AASDH: variants seen among roughly 807,000 people sequenced by gnomAD.
AASDH encodes beta-alanine-activating enzyme.
AASDH carries 81 observed loss-of-function variants against 102.3 expected under a neutral mutation model. That is an observed-to-expected ratio of 0.79 (90% CI 0.66 to 0.95). The LOEUF (loss-of-function observed/expected upper bound fraction) is 0.95. Ranked by LOEUF, AASDH falls within the 40% of genes least tolerant of loss-of-function variation. The pLI is 0.00. For missense variants in AASDH, 1,203 were observed against 1,266.2 expected (o/e 0.95, Z 0.76); for synonymous variants, 398 against 454.0 (o/e 0.88, Z 1.57).
chr4:56,359,467 C>A (rs1750039446), intron 5 of AASDH, among the ~76,000 whole-genome samples: 1 of 151,822 alleles, frequency 6.6e-6, no homozygotes, highest in Non-Finnish European at 1.5e-5. Context: ...TGTGGCCAGG[C>A]TTGTCTCGAA....
intron 3 of AASDH, among the ~76,000 whole-genome samples, chr4:56,381,020 A>G (rs1489194686): frequency 6.6e-6 from 1 of 152,220 alleles, no homozygotes; most frequent in Non-Finnish European, 1.5e-5. Context: ...ATCATGGGAT[A>G]GGAAGCAAGG....
rs1421085159 is a variant in AASDH, at chr4:56,366,715, G to A, written c.861+4736C>T. Among the ~76,000 whole-genome samples, 127 of 150,286 alleles carry A rather than the reference G, an allele frequency of 8.5e-4. 1 individual carries two copies. The highest frequency in any genetic ancestry group is 2.6e-3 in the African/African-American group (106 of 40,930). ...TCAATAAATTAGGTATTGATGGGACGTATCTCAAAATAATAAGAGCTATCT... is the reference window on the plus strand; with the variant it reads ...TCAATAAATTAGGTATTGATGGGACATATCTCAAAATAATAAGAGCTATCT... On this transcript the variant is annotated intron_variant, in intron 5 of 14. Coordinates refer to ENST00000205214, the MANE Select transcript of AASDH (RefSeq NM_181806.4).
At chr4:56,382,792 G>C (rs112403787) in intron 2 of AASDH, among the ~76,000 whole-genome samples, 195 bp from the exon 3 acceptor site, 1 of 152,092 alleles carries the variant, frequency 6.6e-6, no homozygotes, top group African/African-American at 2.4e-5. Context: ...CATTTTAGCC[G>C]GGCACGGTGG....
In AASDH at chr4:56,338,535, C is replaced by CCACT. The variant is rs759582876; in HGVS notation, c.3160_3163dup (p.Gly1055GlufsTer9). 1 of 1,612,978 alleles carries CCACT rather than the reference C, an allele frequency of 6.2e-7. No individual in the cohort carries two copies. Among genetic ancestry groups the CCACT allele is most frequent in the Non-Finnish European group, 8.5e-7 (1 of 1,179,740 alleles). ...AAGTTCATAAACACTTTGCAATTGT[C>CCACT]CACTCTGAGATTCCAAGATCCACAC... On this transcript the variant is annotated frameshift_variant, in exon 15 of 15. Transcript: ENST00000205214. LOFTEE classifies it high-confidence loss of function.
intron 12 of AASDH, 115 bp from the exon 13 acceptor site, chr4:56,343,799 A>G: frequency 9.7e-7 from 1 of 1,029,582 alleles, no homozygotes; most frequent in South Asian, 2.1e-5. Context: ...CTTTAGTATA[A>G]AGTACATGCC....
intron 6 of AASDH, 105 bp from the exon 7 acceptor site, chr4:56,354,916 T>TA: frequency 1.0e-6 from 1 of 957,488 alleles, no homozygotes; most frequent in South Asian, 2.0e-5. Context: ...AAAAGTTTGT[T>TA]ACGCTCTAAT....
Position 56,387,386 on chromosome 4 carries a change from T to G in AASDH, c.-67A>C, listed in dbSNP as rs1753696702. On this transcript the variant is annotated 5_prime_UTR_variant, in exon 1 of 15. Coordinates refer to ENST00000205214, the MANE Select transcript of AASDH (RefSeq NM_181806.4). Reference sequence around the variant, plus strand: ...CTTAGCAAGTCTCGCGGATTAGGTTTGATCGCATTCGGCCCTTTCCCGGAT... The same window carrying G: ...CTTAGCAAGTCTCGCGGATTAGGTTGGATCGCATTCGGCCCTTTCCCGGAT... 6.6e-6 allele frequency: 1 copy of G among 152,400 alleles called. No individual in the cohort carries two copies. Among genetic ancestry groups the G allele is most frequent in the African/African-American group, 2.4e-5 (1 of 41,472 alleles). 9.4% of individuals were successfully genotyped at this position (152,400 alleles called of 1,614,324 possible). A position where few individuals can be genotyped will look rare whatever the true frequency, so the allele number is the denominator to read the frequency against.
intron 5 of AASDH, among the ~76,000 whole-genome samples, chr4:56,361,309 T>C (rs2109926692): frequency 6.6e-6 from 1 of 152,236 alleles, no homozygotes; most frequent in South Asian, 2.1e-4. Context: ...CTTGGGAGGC[T>C]GAGGCATGAG....
chr4:56,342,144 G>T (rs1260869651), intron 14 of AASDH, among the ~76,000 whole-genome samples: 1 of 151,108 alleles, frequency 6.6e-6, no homozygotes, highest in African/African-American at 2.4e-5. Context: ...AGAAGTTGGG[G>T]TGGGTTGGCT....
At chr4:56,346,813 T>G (rs1411137378) in intron 11 of AASDH, among the ~76,000 whole-genome samples, 2 of 151,958 alleles carry the variant, frequency 1.3e-5, no homozygotes, top group Non-Finnish European at 2.9e-5. Context: ...GAGGCTGAGG[T>G]GGGCAGATCG....
At chr4:56,340,785 G>A (rs917205434) in intron 14 of AASDH, among the ~76,000 whole-genome samples, 18 of 152,002 alleles carry the variant, frequency 1.2e-4, no homozygotes, top group African/African-American at 3.9e-4. Context: ...ATCCAACAAG[G>A]GACTAATATA....
chr4:56,368,022 G>GA (rs1296359940), intron 5 of AASDH, among the ~76,000 whole-genome samples: 4 of 151,824 alleles, frequency 2.6e-5, no homozygotes, highest in Non-Finnish European at 4.4e-5. Flanking sequence ...AAATTTACAA[G>GA]AAAAAAACAA....
intron 14 of AASDH, among the ~76,000 whole-genome samples, chr4:56,339,405 A>AAAG (rs1003772289): frequency 2.6e-5 from 4 of 151,856 alleles, no homozygotes; most frequent in Non-Finnish European, 5.9e-5. Flanking sequence ...TCGGCCTCCC[A>AAAG]AAGTGCAGAG....
intron 4 of AASDH, among the ~76,000 whole-genome samples, chr4:56,375,375 G>C (rs1159080887): frequency 6.6e-6 from 1 of 152,048 alleles, no homozygotes; most frequent in Admixed American, 6.6e-5. Flanking sequence ...GTCTAAAATA[G>C]AAAATTTAAC....
chr4:56,386,923 T>C (rs1753633004), intron 1 of AASDH, among the ~76,000 whole-genome samples: 1 of 152,034 alleles, frequency 6.6e-6, no homozygotes, highest in Non-Finnish European at 1.5e-5. Context: ...ACAAAGATCT[T>C]AAGAGTGTCA....
chr4:56,361,786 C>T (rs1000259093), intron 5 of AASDH, among the ~76,000 whole-genome samples: 2 of 151,976 alleles, frequency 1.3e-5, no homozygotes, highest in African/African-American at 4.8e-5. Context: ...GCCTGGGCAA[C>T]ACAGGGAGAC....
At chr4:56,376,688 T>C (rs566600266) in intron 4 of AASDH, among the ~76,000 whole-genome samples, 2 of 152,168 alleles carry the variant, frequency 1.3e-5, no homozygotes. Flanking sequence ...GCATAAAAAA[T>C]GCAAAATATC....
intron 10 of AASDH, among the ~76,000 whole-genome samples, chr4:56,350,553 T>G (rs757708584): frequency 6.6e-6 from 1 of 151,994 alleles, no homozygotes; most frequent in African/African-American, 2.4e-5. Flanking sequence ...AGGAGATCAC[T>G]GTACTACCAA....
chr4:56,341,376 T>C (rs1577949219), intron 14 of AASDH, among the ~76,000 whole-genome samples: 1 of 146,302 alleles, frequency 6.8e-6, no homozygotes, highest in Non-Finnish European at 1.5e-5. Context: ...TGGATGGAAC[T>C]GGAGACTTTT....
Sources: gnomAD v4.1 joint callset for allele counts (sites outside exome capture counted in the v4.1 genomes callset) on GRCh38, gnomAD v4.1.1 for gene constraint, MANE v1.5 for transcripts, NCBI Gene and HGNC (gene_info 2026-07-23, HGNC 2026-07-21) for gene names.